The following AGBL1 variants were observed in gnomAD, a reference collection of about 807,000 sequenced individuals.
The protein encoded by AGBL1 is AGBL carboxypeptidase 1, also known as cytosolic carboxypeptidase 4.
Under a neutral mutation model 118.9 loss-of-function variants are expected in AGBL1, and 130 were observed. That is an observed-to-expected ratio of 1.09 (90% CI 0.95 to 1.26). AGBL1 has a LOEUF of 1.26. Among genes scored for constraint, AGBL1 ranks in the 50% most tolerant of loss-of-function variants. The pLI, the probability that AGBL1 is intolerant of heterozygous loss-of-function variation, is 0.00. For missense variants in AGBL1, 1,584 were observed against 1,298.1 expected, an observed-to-expected ratio of 1.22 and a Z score of -3.38; for synonymous variants, 555 against 478.9, an observed-to-expected ratio of 1.16 and a Z score of -2.08.
chr15:86,172,065 A>C lies in AGBL1; in HGVS notation c.488+13039A>C, dbSNP rs369059644. The stretch of plus-strand genomic sequence containing the variant: ...AAAGGGTGGGAGGAGTGTAAGGGAT[A>C]AAAGACTACGCATTGGGTACAGTGT... On this transcript the variant is annotated intron_variant, in intron 5 of 22. Transcript: ENST00000614907. Among the ~76,000 whole-genome samples the C allele has an allele frequency of 7.0e-4, 107 of 152,302 alleles. No individual in the cohort carries two copies. The South Asian group carries it at 0.021, about 30-fold the overall frequency.
chr15:86,922,101 T>A (rs2080487035), intron 23 of AGBL1, among the ~76,000 whole-genome samples: 2 of 152,120 alleles, frequency 1.3e-5, no homozygotes, highest in African/African-American at 4.8e-5. Context: ...GATATATCCT[T>A]AAAGGTATAA....
intron 6 of AGBL1, among the ~76,000 whole-genome samples, chr15:86,247,170 C>T (rs781398811): frequency 6.6e-6 from 1 of 152,212 alleles, no homozygotes; most frequent in East Asian, 1.9e-4. Context: ...GACCAGATGC[C>T]CAATAATGCC....
At chr15:86,355,817 C>T (rs988079863) in intron 17 of AGBL1, among the ~76,000 whole-genome samples, 1 of 152,196 alleles carries the variant, frequency 6.6e-6, no homozygotes, top group African/African-American at 2.4e-5. Context: ...ACAGTGACAT[C>T]TCTTGGAGGT....
chr15:86,219,804 A>G (rs1027145726), intron 5 of AGBL1, among the ~76,000 whole-genome samples: 5 of 152,154 alleles, frequency 3.3e-5, no homozygotes, highest in Non-Finnish European at 7.4e-5. Context: ...TTTGATCTCC[A>G]CAATCCTTAT....
At chr15:86,282,135 A>G (rs997002094) in intron 16 of AGBL1, among the ~76,000 whole-genome samples, 2 of 152,136 alleles carry the variant, frequency 1.3e-5, no homozygotes, top group African/African-American at 4.8e-5. Flanking sequence ...TCAGATAAGA[A>G]TACAGGGTCT....
intron 21 of AGBL1, among the ~76,000 whole-genome samples, chr15:86,606,056 G>T (rs2084571797): frequency 6.8e-6 from 1 of 147,576 alleles, no homozygotes; most frequent in South Asian, 2.2e-4. Context: ...AAACCCAGAA[G>T]GCAGAGGTTG....
chr15:86,931,762 T>G (rs1238806758), intron 23 of AGBL1, among the ~76,000 whole-genome samples: 2 of 152,224 alleles, frequency 1.3e-5, no homozygotes, highest in Admixed American at 1.3e-4. Flanking sequence ...TATTTGCTTC[T>G]TAAAACAAGC....
upstream of AGBL1, chr15:86,079,657 C>T: frequency 4.1e-6 from 1 of 241,920 alleles, no homozygotes; most frequent in African/African-American, 2.2e-5. Context: ...GGTGGCTTCT[C>T]CTTTGCTCTG....
At chr15:86,222,833 T>C (rs1227594802) in intron 5 of AGBL1, among the ~76,000 whole-genome samples, 1 of 152,206 alleles carries the variant, frequency 6.6e-6, no homozygotes, top group Non-Finnish European at 1.5e-5. Flanking sequence ...AGTTGTGATC[T>C]GGGAGTCACC....
At position 86,994,978 on chromosome 15, in the gene AGBL1, G is replaced by A. The variant is rs549319792; in HGVS notation, c.3323+6890G>A. On this transcript the variant is annotated intron_variant, in intron 24 of 24. Transcript: ENST00000441037. ...ATTTACCAAGCATAGAGCTATGTTGGTGCTGAGCTGACTTTATGTTTTTTT... is the reference window on the plus strand; with the variant it reads ...ATTTACCAAGCATAGAGCTATGTTGATGCTGAGCTGACTTTATGTTTTTTT... Among the ~76,000 whole-genome samples, 10 of 152,290 alleles carry A rather than the reference G, an allele frequency of 6.6e-5. No individual in the cohort carries two copies. In the South Asian group the frequency reaches 1.4e-3, roughly 22 times the overall value.
intron 1 of AGBL1, among the ~76,000 whole-genome samples, chr15:86,114,938 G>C (rs1000619389): frequency 6.6e-6 from 1 of 152,170 alleles, no homozygotes; most frequent in African/African-American, 2.4e-5. Flanking sequence ...TCTTTTGTTA[G>C]AATGTCTTTA....
At chr15:86,822,119 C>A (rs1390425086) in intron 22 of AGBL1, among the ~76,000 whole-genome samples, 1 of 152,044 alleles carries the variant, frequency 6.6e-6, no homozygotes, top group Non-Finnish European at 1.5e-5. Context: ...GAACTTGTGA[C>A]CAATAAAAAA....
intron 22 of AGBL1, among the ~76,000 whole-genome samples, chr15:86,708,933 A>G (rs2086504807): frequency 6.6e-6 from 1 of 152,060 alleles, no homozygotes; most frequent in African/African-American, 2.4e-5. Context: ...AGCTCATTTA[A>G]TGTACCTGTG....
At position 87,021,990 on chromosome 15, in the gene AGBL1, A is replaced by G. The variant is rs191762850; in HGVS notation, c.3324-6835A>G. On this transcript the variant is annotated intron_variant, in intron 24 of 24. Transcript: ENST00000441037. Reference sequence around the variant, plus strand: ...TCACAGGACTCTGCAGAAAATCCCCAGTACTGGCCCAGAGCCTGGTAGACT... The same window carrying G: ...TCACAGGACTCTGCAGAAAATCCCCGGTACTGGCCCAGAGCCTGGTAGACT... Among the ~76,000 whole-genome samples, 544 of 152,268 alleles carry G rather than the reference A, an allele frequency of 3.6e-3. 4 individuals carry two copies. Among genetic ancestry groups the G allele is most frequent in the African/African-American group, 0.012 (516 of 41,574 alleles).
intron 21 of AGBL1, among the ~76,000 whole-genome samples, chr15:86,597,438 T>C (rs1462316594): frequency 6.6e-6 from 1 of 152,126 alleles, no homozygotes; most frequent in Non-Finnish European, 1.5e-5. Flanking sequence ...ACCAGAGAAA[T>C]TGGAAAATTC....
chr15:86,918,559 A>T (rs908857818), downstream of AGBL1, among the ~76,000 whole-genome samples: 18 of 152,190 alleles, frequency 1.2e-4, no homozygotes, highest in Admixed American at 1.0e-3. Flanking sequence ...AAAAAAAGGA[A>T]ATGGATCTGT....
intron 22 of AGBL1, among the ~76,000 whole-genome samples, chr15:86,872,881 T>C (rs550292176): frequency 1.5e-4 from 23 of 152,262 alleles, no homozygotes; most frequent in Non-Finnish European, 2.9e-4. Flanking sequence ...TAGTTATATA[T>C]ACACAGCCAA....
At chr15:86,138,675 C>G (rs775018830) in intron 1 of AGBL1, among the ~76,000 whole-genome samples, 28 of 152,040 alleles carry the variant, frequency 1.8e-4, no homozygotes, top group Non-Finnish European at 1.3e-4. Context: ...TCTTCTTTCC[C>G]TTTTCTCCTT....
At chr15:86,460,434 T>C (rs1464377184) in intron 18 of AGBL1, among the ~76,000 whole-genome samples, 5 of 151,526 alleles carry the variant, frequency 3.3e-5, no homozygotes, top group Non-Finnish European at 7.4e-5. Context: ...AATTTGAGGT[T>C]GCAGTGAGCA....
Sources: gnomAD v4.1 joint callset for allele counts (sites outside exome capture counted in the v4.1 genomes callset) on GRCh38, gnomAD v4.1.1 for gene constraint, MANE v1.5 for transcripts, NCBI Gene and HGNC (gene_info 2026-07-23, HGNC 2026-07-21) for gene names.